LDLRAD4: variants seen among roughly 807,000 people sequenced by gnomAD.
The protein encoded by LDLRAD4 is low density lipoprotein receptor class A domain containing 4.
A neutral mutation model predicts 17.0 loss-of-function variants in LDLRAD4; 5 were observed. The ratio of observed to expected loss-of-function variants is 0.29; its 90% confidence interval spans 0.15 to 0.62. The LOEUF (loss-of-function observed/expected upper bound fraction) is 0.62. Among genes scored for constraint, LDLRAD4 ranks in the 20% least tolerant of loss-of-function variants. The pLI is 0.84. For synonymous variants in LDLRAD4, 168 were observed against 171.8 expected (o/e 0.98, Z 0.17); for missense variants, 340 against 424.7 (o/e 0.80, Z 1.75).
rs953644176 is a variant in LDLRAD4, at chr18:13,505,663, A to C, written c.181+67279A>C. Among the ~76,000 whole-genome samples, 5 of 152,184 alleles carry C rather than the reference A, an allele frequency of 3.3e-5. No individual in the cohort carries two copies. The East Asian group carries it at 7.7e-4, about 24-fold the overall frequency. On this transcript the variant is annotated intron_variant, in intron 3 of 5. Coordinates refer to ENST00000359446, the Ensembl canonical transcript of LDLRAD4. ...TGAAACTCATCTCTACTAAAAATAC[A>C]AAATATTACCCGGGCGTGGTGGTGG...
At chr18:13,550,385 G>C (rs116487579) in intron 3 of LDLRAD4, among the ~76,000 whole-genome samples, 1 of 152,098 alleles carries the variant, frequency 6.6e-6, no homozygotes, top group African/African-American at 2.4e-5. Flanking sequence ...TTGGTGTTAC[G>C]CAAATTATGA....
intron 1 of LDLRAD4, among the ~76,000 whole-genome samples, chr18:13,301,629 C>T (rs980475739): frequency 2.0e-5 from 3 of 151,884 alleles, no homozygotes; most frequent in African/African-American, 7.3e-5. Context: ...AAAACGACCA[C>T]GTTTCTGTCA....
chr18:13,266,731 C>G (rs2044241212), intron 1 of LDLRAD4, among the ~76,000 whole-genome samples: 1 of 152,250 alleles, frequency 6.6e-6, no homozygotes, highest in Non-Finnish European at 1.5e-5. Context: ...GCAGTCCTGG[C>G]CAGACCCGTG....
At chr18:13,504,231 A>G (rs907547135) in intron 3 of LDLRAD4, among the ~76,000 whole-genome samples, 1 of 152,100 alleles carries the variant, frequency 6.6e-6, no homozygotes, top group Non-Finnish European at 1.5e-5. Flanking sequence ...TTCAAACAAG[A>G]CAGTTCCCTG....
At chr18:13,603,268 G>T (rs2095184937) in intron 3 of LDLRAD4, among the ~76,000 whole-genome samples, 2 of 152,154 alleles carry the variant, frequency 1.3e-5, no homozygotes, top group Non-Finnish European at 2.9e-5. Context: ...CTTTCCTGAT[G>T]GTCCACTTAA....
chr18:13,640,009 A>G (rs2042388614), intron 4 of LDLRAD4, among the ~76,000 whole-genome samples: 1 of 152,176 alleles, frequency 6.6e-6, no homozygotes, highest in Non-Finnish European at 1.5e-5. Flanking sequence ...GAAACTGGCA[A>G]GGTGCGGTGG....
intron 1 of LDLRAD4, among the ~76,000 whole-genome samples, chr18:13,264,869 C>G (rs1029893384): frequency 6.6e-6 from 1 of 152,196 alleles, no homozygotes; most frequent in African/African-American, 2.4e-5. Context: ...TACAGTCTTC[C>G]CGAACCTGGA....
chr18:13,286,374 T>C (rs2045622769), intron 1 of LDLRAD4, among the ~76,000 whole-genome samples: 1 of 152,182 alleles, frequency 6.6e-6, no homozygotes, highest in Admixed American at 6.5e-5. Context: ...TAGAGTTTTG[T>C]TATTTATTTA....
chr18:13,530,369 A>G (rs1405206765), intron 3 of LDLRAD4, among the ~76,000 whole-genome samples: 2 of 152,234 alleles, frequency 1.3e-5, no homozygotes, highest in East Asian at 1.9e-4. Context: ...ACAGCTGTTA[A>G]TGGACAGTCT....
At chr18:13,429,548 G>A (rs971378099) in intron 2 of LDLRAD4, among the ~76,000 whole-genome samples, 8 of 152,260 alleles carry the variant, frequency 5.3e-5, no homozygotes, top group Non-Finnish European at 1.0e-4. Context: ...CAGAGCAGGC[G>A]ACGGAAGTAC....
At chr18:13,461,802 G>C (rs932487408) in intron 3 of LDLRAD4, among the ~76,000 whole-genome samples, 1 of 152,200 alleles carries the variant, frequency 6.6e-6, no homozygotes, top group African/African-American at 2.4e-5. Context: ...AGAGGCTAAA[G>C]TGAAGTTACA....
intron 3 of LDLRAD4, among the ~76,000 whole-genome samples, chr18:13,467,074 C>G (rs1568202834): frequency 6.6e-6 from 1 of 152,126 alleles, no homozygotes; most frequent in Non-Finnish European, 1.5e-5. Context: ...GCTTTAAACC[C>G]TAAGACAAGG....
Position 13,224,479 on chromosome 18 carries a change from T to TC in LDLRAD4, c.-467+5491_-467+5492insC, listed in dbSNP as rs1398113492. Among the ~76,000 whole-genome samples the TC allele has an allele frequency of 1.0e-3, 133 of 132,670 alleles. 2 individuals are homozygous for TC. The East Asian group carries it at 0.024, about 24-fold the overall frequency. 87.0% of individuals were successfully genotyped at this position (132,670 alleles called of 152,430 possible). On this transcript the variant is annotated intron_variant, in intron 1 of 5. Coordinates refer to the LDLRAD4 transcript ENST00000399848. ...TATAGTTTCTTTCTTTCTTTCTTTT[T>TC]TTTTTTTTTTTTTTTTTTGAGACGG...
chr18:13,403,974 A>G (rs1386364610), intron 2 of LDLRAD4, among the ~76,000 whole-genome samples: 1 of 152,220 alleles, frequency 6.6e-6, no homozygotes, highest in South Asian at 2.1e-4. Context: ...GGTGATGTCT[A>G]TCTACACTGA....
chr18:13,354,099 C>T (rs2083199478), intron 1 of LDLRAD4, among the ~76,000 whole-genome samples: 1 of 152,086 alleles, frequency 6.6e-6, no homozygotes, highest in African/African-American at 2.4e-5. Flanking sequence ...GTCCCAGCTG[C>T]TTGGGAAGTT....
intron 3 of LDLRAD4, among the ~76,000 whole-genome samples, chr18:13,610,887 T>C (rs192674219): frequency 6.6e-5 from 10 of 152,162 alleles, no homozygotes; most frequent in Admixed American, 6.5e-4. Flanking sequence ...GGGAGGGGAG[T>C]TCCATTTTTA....
intron 3 of LDLRAD4, among the ~76,000 whole-genome samples, chr18:13,492,488 G>A (rs1166164395): frequency 6.6e-6 from 1 of 152,152 alleles, no homozygotes; most frequent in Non-Finnish European, 1.5e-5. Context: ...TCTTCCTGCA[G>A]TCCAGCTGGG....
chr18:13,367,882 C>A lies in LDLRAD4; in HGVS notation c.-382-19459C>A, dbSNP rs1386589463. 1.3e-5 allele frequency among the ~76,000 whole-genome samples: 2 copies of A among 151,744 alleles called. No individual in the cohort carries two copies. The highest frequency in any genetic ancestry group is 4.8e-5 in the African/African-American group (2 of 41,286). On this transcript the variant is annotated intron_variant, in intron 1 of 5. Coordinates refer to ENST00000359446, the Ensembl canonical transcript of LDLRAD4. This position sits in a 1 kb window ranked among gnomAD's most constrained non-coding sequence, Gnocchi z 4.1. The stretch of plus-strand genomic sequence containing the variant: ...GGTGTATCGAGAGGGGACGACTGGG[C>A]ATGGGGGCGTGTGCCTGTGGTCACA...
chr18:13,575,531 C>T (rs914811493), intron 3 of LDLRAD4, among the ~76,000 whole-genome samples: 3 of 152,124 alleles, frequency 2.0e-5, no homozygotes, highest in Non-Finnish European at 2.9e-5. Flanking sequence ...TATAAACATG[C>T]GTGTGCAAGT....
Sources: gnomAD v4.1 joint callset for allele counts (sites outside exome capture counted in the v4.1 genomes callset) on GRCh38, gnomAD v4.1.1 for gene constraint, Gnocchi (gnomAD v3.1) non-coding constraint, MANE v1.5 for transcripts, NCBI Gene and HGNC (gene_info 2026-07-23, HGNC 2026-07-21) for gene names.